Variants in AP3B1 observed in about 807,000 individuals in gnomAD.
The protein encoded by AP3B1 is AP-3 complex subunit beta-1.
AP3B1 carries 61 observed loss-of-function variants against 132.5 expected under a neutral mutation model. The observed-to-expected ratio is 0.46, with a 90% confidence interval of 0.37 to 0.57. The LOEUF is 0.57. Among genes scored for constraint, AP3B1 ranks in the 20% least tolerant of loss-of-function variants. The pLI, the probability that AP3B1 is intolerant of heterozygous loss-of-function variation, is 0.00. For synonymous variants in AP3B1, 388 were observed against 438.3 expected, an observed-to-expected ratio of 0.89 and a Z score of 1.43; for missense variants, 1,120 against 1,289.4, an observed-to-expected ratio of 0.87 and a Z score of 2.01.
chr5:78,093,031 A>G (rs1249248853), intron 21 of AP3B1, among the ~76,000 whole-genome samples: 1 of 152,230 alleles, frequency 6.6e-6, no homozygotes, highest in Non-Finnish European at 1.5e-5. Flanking sequence ...TTAAGGAAAC[A>G]GTTACAGAGA....
intron 20 of AP3B1, among the ~76,000 whole-genome samples, chr5:78,108,609 C>CTTG (rs1751443258): frequency 6.6e-6 from 1 of 152,148 alleles, no homozygotes; most frequent in African/African-American, 2.4e-5. Context: ...TCTCAAAGGC[C>CTTG]TTGGTTCACT....
intron 22 of AP3B1, among the ~76,000 whole-genome samples, chr5:78,040,635 C>G (rs1449351462): frequency 2.0e-5 from 3 of 151,908 alleles, no homozygotes; most frequent in Non-Finnish European, 1.5e-5. Flanking sequence ...TTCAAAATAT[C>G]AGTATTGCAT....
rs1014350160 is a variant in AP3B1 at position 78,097,839 on chromosome 5, G to A, written c.2470+3114C>T. 8.5e-5 allele frequency among the ~76,000 whole-genome samples: 13 copies of A among 152,328 alleles called. No individual in the cohort carries two copies. In the South Asian group the frequency reaches 1.7e-3, roughly 19 times the overall value. On this transcript the variant is annotated intron_variant, in intron 21 of 26. Transcript: ENST00000255194. ...ATGGTGGTTTTGTGGAATAGAAAGCGGGGAAAGGTGGGGAAAAGATTGAGA... is the reference window on the plus strand; with the variant it reads ...ATGGTGGTTTTGTGGAATAGAAAGCAGGGAAAGGTGGGGAAAAGATTGAGA...
intron 2 of AP3B1, among the ~76,000 whole-genome samples, chr5:78,241,672 T>A (rs1238635007): frequency 6.6e-6 from 1 of 152,204 alleles, no homozygotes; most frequent in Non-Finnish European, 1.5e-5. Flanking sequence ...GCCTACACTG[T>A]TCTACAATCT....
At chr5:78,191,137 A>G (rs560692860) in intron 7 of AP3B1, among the ~76,000 whole-genome samples, 2 of 152,248 alleles carry the variant, frequency 1.3e-5, no homozygotes, top group African/African-American at 4.8e-5. Context: ...AACACATAAT[A>G]TAAGATTATA....
intron 22 of AP3B1, among the ~76,000 whole-genome samples, chr5:78,088,134 A>C (rs962515217): frequency 6.6e-6 from 1 of 152,232 alleles, no homozygotes; most frequent in African/African-American, 2.4e-5. Flanking sequence ...CAAGGAACTA[A>C]CTGCTTCACT....
intron 21 of AP3B1, among the ~76,000 whole-genome samples, chr5:78,096,710 A>G (rs1388562140): frequency 1.4e-5 from 2 of 144,582 alleles, no homozygotes; most frequent in African/African-American, 5.2e-5. Context: ...GCCCCATCTG[A>G]GAAGGGAGGA....
chr5:78,080,326 T>C (rs974807378), intron 22 of AP3B1, among the ~76,000 whole-genome samples: 7 of 152,192 alleles, frequency 4.6e-5, no homozygotes, highest in African/African-American at 7.2e-5. Flanking sequence ...TTTCTTACTA[T>C]TGTTTTTGAG....
intron 22 of AP3B1, among the ~76,000 whole-genome samples, chr5:78,070,888 G>A (rs252740): frequency 0.26 from 39,777 of 151,752 alleles, 5,947 homozygotes; most frequent in Admixed American, 0.39. Flanking sequence ...TCAGAATGGC[G>A]ATTAAAAAGT....
In AP3B1 at chr5:78,099,444, A is replaced by G. The variant is rs77499113; in HGVS notation, c.2470+1509T>C. Among the ~76,000 whole-genome samples, 116 of 152,326 alleles carry G rather than the reference A, an allele frequency of 7.6e-4. 1 individual carries two copies. The East Asian group carries it at 0.012, about 16-fold the overall frequency. On this transcript the variant is annotated intron_variant, in intron 21 of 26. Coordinates refer to ENST00000255194, the MANE Select transcript of AP3B1 (RefSeq NM_003664.5). ...AGGATGAAATGTGGATAACAAGAAGACAGGGGTCAGATCATCTACAGTCTG... is the reference window on the plus strand; with the variant it reads ...AGGATGAAATGTGGATAACAAGAAGGCAGGGGTCAGATCATCTACAGTCTG...
intron 11 of AP3B1, among the ~76,000 whole-genome samples, chr5:78,174,651 G>A (rs1744069597): frequency 6.6e-6 from 1 of 152,228 alleles, no homozygotes; most frequent in South Asian, 2.1e-4. Flanking sequence ...CCTAGTGGGA[G>A]GTGTCTCCCA....
chr5:78,124,901 G>A (rs1420364012), intron 17 of AP3B1, among the ~76,000 whole-genome samples: 2 of 152,088 alleles, frequency 1.3e-5, no homozygotes, highest in African/African-American at 4.8e-5. Flanking sequence ...GCTCAAACGT[G>A]CATTTTTTCT....
chr5:78,249,470 CCTT>C (rs2112533348), intron 2 of AP3B1, among the ~76,000 whole-genome samples: 1 of 152,234 alleles, frequency 6.6e-6, no homozygotes, highest in East Asian at 1.9e-4. Flanking sequence ...TTTCTCCTCT[CCTT>C]CTGCTGTTCT....
intron 2 of AP3B1, among the ~76,000 whole-genome samples, chr5:78,242,945 G>C (rs1747205689): frequency 6.6e-6 from 1 of 152,048 alleles, no homozygotes; most frequent in Non-Finnish European, 1.5e-5. Context: ...CTAATAAACT[G>C]CCTTTAAAAA....
intron 7 of AP3B1, among the ~76,000 whole-genome samples, chr5:78,214,820 G>A (rs1344885371): frequency 6.6e-6 from 1 of 152,016 alleles, no homozygotes; most frequent in Non-Finnish European, 1.5e-5. Flanking sequence ...GACAAGGATA[G>A]TAAAATTTCA....
intron 7 of AP3B1, among the ~76,000 whole-genome samples, chr5:78,189,904 AAAAT>A: frequency 6.7e-6 from 1 of 148,168 alleles, no homozygotes; most frequent in African/African-American, 2.4e-5. Flanking sequence ...AAAATAAAAT[AAAAT>A]AAAATAAAAT....
At chr5:78,252,942 C>T (rs1747702621) in intron 2 of AP3B1, among the ~76,000 whole-genome samples, 1 of 152,228 alleles carries the variant, frequency 6.6e-6, no homozygotes, top group Non-Finnish European at 1.5e-5. Context: ...CCTGTGCTGG[C>T]TTCAGGTCTG....
intron 7 of AP3B1, among the ~76,000 whole-genome samples, chr5:78,182,619 G>C (rs1030097669): frequency 6.6e-6 from 1 of 152,106 alleles, no homozygotes; most frequent in Non-Finnish European, 1.5e-5. Flanking sequence ...GCAGATGAAA[G>C]AAACCACCAG....
At chr5:78,028,103 C>T (rs888844138) in intron 24 of AP3B1, among the ~76,000 whole-genome samples, 38 of 151,116 alleles carry the variant, frequency 2.5e-4, no homozygotes, top group Admixed American at 9.9e-4. Flanking sequence ...TCCAGCCTGG[C>T]GACAGAGTAA....
Sources: gnomAD v4.1 joint callset for allele counts (sites outside exome capture counted in the v4.1 genomes callset) on GRCh38, gnomAD v4.1.1 for gene constraint, MANE v1.5 for transcripts, NCBI Gene and HGNC (gene_info 2026-07-23, HGNC 2026-07-21) for gene names.